The following FHIT variants were observed in gnomAD, a reference collection of about 807,000 sequenced individuals.
FHIT encodes bis(5'-adenosyl)-triphosphatase.
Under a neutral mutation model 17.9 loss-of-function variants are expected in FHIT, and 19 were observed. That is an observed-to-expected ratio of 1.06 (90% confidence interval 0.74 to 1.56). The LOEUF (loss-of-function observed/expected upper bound fraction) is 1.56, where lower values mean the gene tolerates loss of function less well. Ranked by LOEUF, FHIT falls within the 40% of genes most tolerant of loss-of-function variation. The pLI, the probability that FHIT is intolerant of heterozygous loss-of-function variation, is 0.00. For synonymous variants in FHIT, 81 were observed against 69.7 expected (o/e 1.16, Z -0.81); for missense variants, 248 against 189.2 (o/e 1.31, Z -1.82).
chr3:60,105,417 C>T (rs1404307248), intron 5 of FHIT, among the ~76,000 whole-genome samples: 1 of 152,172 alleles, frequency 6.6e-6, no homozygotes, highest in African/African-American at 2.4e-5. Context: ...TTTAGTAAAT[C>T]ACAGAGAAAC....
chr3:60,610,094 CAT>C (rs1176112774), intron 4 of FHIT, among the ~76,000 whole-genome samples: 6 of 152,130 alleles, frequency 3.9e-5, no homozygotes, highest in Non-Finnish European at 7.4e-5. Flanking sequence ...TATATTTATG[CAT>C]ATGAGTTTTA....
rs191159439 is a variant in FHIT, at chr3:61,073,243, C to T, written c.-163-31144G>A. ...CTGTTAGATCAAAAGAAATCATTTG[C>T]TACTTGTATGCATGGACTACCTTAA... On this transcript the variant is annotated intron_variant, in intron 2 of 9. Transcript: ENST00000492590. Among the ~76,000 whole-genome samples, 65 of 152,282 alleles carry T rather than the reference C, an allele frequency of 4.3e-4. No homozygotes were observed. The East Asian group carries it at 0.012, about 28-fold the overall frequency.
chr3:60,544,012 C>A (rs939943885), intron 4 of FHIT, among the ~76,000 whole-genome samples: 1 of 149,102 alleles, frequency 6.7e-6, no homozygotes, highest in African/African-American at 2.5e-5. Flanking sequence ...CCCATCTTGG[C>A]TTCTCAAAGT....
chr3:61,027,911 C>T (rs909737972), intron 3 of FHIT, among the ~76,000 whole-genome samples: 2 of 152,184 alleles, frequency 1.3e-5, no homozygotes, highest in Non-Finnish European at 2.9e-5. Flanking sequence ...CACATGCAAG[C>T]ATGCACATTA....
chr3:59,930,781 C>A (rs1484440991), intron 7 of FHIT, among the ~76,000 whole-genome samples: 1 of 152,144 alleles, frequency 6.6e-6, no homozygotes, highest in Non-Finnish European at 1.5e-5. Flanking sequence ...AGGAGAGTGG[C>A]TTTTAGAAGA....
intron 8 of FHIT, among the ~76,000 whole-genome samples, chr3:59,852,743 T>G (rs1309405907): frequency 6.6e-6 from 1 of 152,218 alleles, no homozygotes; most frequent in African/African-American, 2.4e-5. Context: ...AATTTTGCCT[T>G]TTCCAGAATT....
In FHIT at chr3:60,510,116, G is replaced by A. The variant is rs538993347; in HGVS notation, c.103+26744C>T. Among the ~76,000 whole-genome samples the A allele has an allele frequency of 2.0e-3, 303 of 152,240 alleles. 2 individuals carry two copies. The highest frequency in any genetic ancestry group is 3.4e-3 in the Middle Eastern group (1 of 294). ...TCAGCTTCAGTAGCAACATACTGTGGAATTCATAAAACAAAGGTCAGGTAT... is the reference window on the plus strand; with the variant it reads ...TCAGCTTCAGTAGCAACATACTGTGAAATTCATAAAACAAAGGTCAGGTAT... On this transcript the variant is annotated intron_variant, in intron 5 of 9. Transcript: ENST00000492590.
At chr3:61,180,406 G>A (rs2038302321) in intron 2 of FHIT, among the ~76,000 whole-genome samples, 1 of 152,176 alleles carries the variant, frequency 6.6e-6, no homozygotes, top group African/African-American at 2.4e-5. Context: ...TCACTTTACA[G>A]GAAGTCAGAA....
intron 4 of FHIT, among the ~76,000 whole-genome samples, chr3:60,744,246 T>TA (rs368982395): frequency 0.013 from 398 of 30,778 alleles, 3 homozygotes; most frequent in African/African-American, 0.023. Context: ...GGAAGTAATG[T>TA]AAAAAAAAAA....
intron 5 of FHIT, among the ~76,000 whole-genome samples, chr3:60,294,069 T>C (rs1708099704): frequency 6.6e-6 from 1 of 152,072 alleles, no homozygotes; most frequent in Non-Finnish European, 1.5e-5. Flanking sequence ...TTTTCAACAT[T>C]TTTCCAGGAG....
chr3:60,117,395 TA>T (rs1240487546), intron 5 of FHIT, among the ~76,000 whole-genome samples: 4 of 151,538 alleles, frequency 2.6e-5, no homozygotes, highest in Non-Finnish European at 5.9e-5. Context: ...AAAGAGGATT[TA>T]AATTTTTTTA....
At position 61,009,941 on chromosome 3, in the gene FHIT, C is replaced by A. The variant is rs140450924; in HGVS notation, c.-111+32106G>T. On this transcript the variant is annotated intron_variant, in intron 3 of 9. Coordinates refer to ENST00000492590, the MANE Select transcript of FHIT (RefSeq NM_002012.4). ...TTCTATTTTGGAGAGAATTCTATGA[C>A]AAGGTGATATTTTAGACCTACCCTA... Among the ~76,000 whole-genome samples the A allele has an allele frequency of 2.9e-3, 445 of 152,200 alleles. 6 individuals are homozygous for A. The highest frequency in any genetic ancestry group is 1.0e-2 in the African/African-American group (414 of 41,542).
chr3:59,969,444 T>A (rs2107377088), intron 7 of FHIT, among the ~76,000 whole-genome samples: 1 of 152,260 alleles, frequency 6.6e-6, no homozygotes, highest in South Asian at 2.1e-4. Flanking sequence ...AGGTAAATGC[T>A]AATGTTTCAT....
At chr3:61,183,318 G>GAATGAATGAATGAATGAATGAA (rs2038401393) in intron 2 of FHIT, among the ~76,000 whole-genome samples, 3 of 151,980 alleles carry the variant, frequency 2.0e-5, no homozygotes, top group African/African-American at 7.2e-5. Flanking sequence ...TCAACCACAA[G>GAATGAATGAATGAATGAATGAA]TGAATGAATG....
intron 4 of FHIT, among the ~76,000 whole-genome samples, chr3:60,700,027 A>G (rs2041206773): frequency 6.6e-6 from 1 of 151,362 alleles, no homozygotes; most frequent in Admixed American, 6.6e-5. Flanking sequence ...GCTTCTCAGG[A>G]GGCTGAAGCA....
At chr3:59,802,867 AGATATTCCAAAGAATCTGTCCTCT>A (rs1464414153) in intron 8 of FHIT, among the ~76,000 whole-genome samples, 3 of 152,182 alleles carry the variant, frequency 2.0e-5, no homozygotes, top group Non-Finnish European at 4.4e-5. Context: ...AATAGAGAAA[AGATATTCCAAAGAATCTGTCCTCT>A]GAAATTAGGG....
At chr3:60,515,288 C>T (rs2107551889) in intron 5 of FHIT, among the ~76,000 whole-genome samples, 1 of 152,294 alleles carries the variant, frequency 6.6e-6, no homozygotes, top group South Asian at 2.1e-4. Flanking sequence ...GATCCTGCCC[C>T]TGTCCCTGGC....
At chr3:60,871,389 T>C (rs1553755003) in intron 3 of FHIT, among the ~76,000 whole-genome samples, 1 of 152,058 alleles carries the variant, frequency 6.6e-6, no homozygotes, top group African/African-American at 2.4e-5. Context: ...CTTTCTACTA[T>C]CAAACTACTC....
At chr3:60,883,142 C>CTAGGAA (rs1490588473) in intron 3 of FHIT, among the ~76,000 whole-genome samples, 3 of 151,922 alleles carry the variant, frequency 2.0e-5, no homozygotes, top group East Asian at 1.9e-4. Context: ...TATAAAATAC[C>CTAGGAA]TAGGAATAAA....
Sources: gnomAD v4.1 joint callset for allele counts (sites outside exome capture counted in the v4.1 genomes callset) on GRCh38, gnomAD v4.1.1 for gene constraint, MANE v1.5 for transcripts, NCBI Gene and HGNC (gene_info 2026-07-23, HGNC 2026-07-21) for gene names.